Variants in YAE1 observed in about 807,000 individuals in gnomAD.
YAE1 encodes the protein protein YAE1 homolog.
Under a neutral mutation model 23.0 loss-of-function variants are expected in YAE1, and 22 were observed. The ratio of observed to expected loss-of-function variants is 0.96; its 90% CI spans 0.68 to 1.37. The LOEUF is 1.37. Ranked by LOEUF, YAE1 falls within the 40% of genes most tolerant of loss-of-function variation. The probability of loss-of-function intolerance (pLI) is 0.00; values close to 1 mark genes in which losing one functional copy is unlikely to be tolerated. For synonymous variants in YAE1, 101 were observed against 97.0 expected, an observed-to-expected ratio of 1.04 and a Z score of -0.24; for missense variants, 260 against 262.1, an observed-to-expected ratio of 0.99 and a Z score of 0.06.
chr7:39,610,045 A>T (rs959191681), exon 3 of YAE1: 207 of 1,470,532 alleles, frequency 1.4e-4, no homozygotes, highest in Non-Finnish European at 1.8e-4. Flanking sequence ...AGTCCTCAGC[A>T]CCCAGCACCC....
At chr7:39,609,596 T>C (rs112725884) in intron 2 of YAE1, 8 of 1,530,596 alleles carry the variant, frequency 5.2e-6, no homozygotes, top group African/African-American at 4.1e-5. Context: ...TCTCTGTCTA[T>C]CCAATTGTCT....
chr7:39,572,682 A>G lies in YAE1; in HGVS notation c.657A>G (p.Val219=), dbSNP rs1419714751. 1.3e-6 allele frequency: 2 copies of G among 1,591,198 alleles called. No individual in the cohort carries two copies. The highest frequency in any genetic ancestry group is 4.5e-5 in the East Asian group (2 of 44,776). ...AACAGCTGGGCCTATCAGTAGATGTATTACAACACCTCAAACAACTATAAA... is the reference window on the plus strand; with the variant it reads ...AACAGCTGGGCCTATCAGTAGATGTGTTACAACACCTCAAACAACTATAAA... ...LVKQLGLSVD[V]LQHLKQL is the part of the protein sequence containing the mutation. Residue 219 remains valine, a synonymous_variant, in exon 3 of 3, where the codon GTA becomes GTG. Coordinates refer to ENST00000223273, the MANE Select transcript of YAE1 (RefSeq NM_020192.5).
chr7:39,599,694 A>T (rs776402768), intron 2 of YAE1, among the ~76,000 whole-genome samples: 21 of 151,162 alleles, frequency 1.4e-4, no homozygotes, highest in Admixed American at 3.3e-4. Context: ...TTATTTATTT[A>T]TTTTTTATTG....
At chr7:39,606,739 A>G (rs1791135960) in intron 2 of YAE1, among the ~76,000 whole-genome samples, 1 of 152,232 alleles carries the variant, frequency 6.6e-6, no homozygotes, top group African/African-American at 2.4e-5. Context: ...AGATAGCATT[A>G]TGCAGTACTT....
At chr7:39,597,784 T>G (rs985774459) in intron 2 of YAE1, among the ~76,000 whole-genome samples, 5 of 151,852 alleles carry the variant, frequency 3.3e-5, no homozygotes, top group Non-Finnish European at 5.9e-5. Context: ...AGATTTACAT[T>G]TAAAAGTGAG....
intron 2 of YAE1, among the ~76,000 whole-genome samples, chr7:39,590,884 A>G (rs1160069292): frequency 6.6e-6 from 1 of 152,122 alleles, no homozygotes; most frequent in Non-Finnish European, 1.5e-5. Flanking sequence ...CCACTTCTCT[A>G]TCACATTTCC....
chr7:39,610,208 G>A, exon 3 of YAE1: 1 of 620,038 alleles, frequency 1.6e-6, no homozygotes, highest in Non-Finnish European at 2.8e-6. Flanking sequence ...AGCAATACGA[G>A]TCGTTTGTGA....
chr7:39,589,607 G>A (rs1453130714), intron 2 of YAE1, among the ~76,000 whole-genome samples: 1 of 152,100 alleles, frequency 6.6e-6, no homozygotes, highest in Non-Finnish European at 1.5e-5. Flanking sequence ...ATTTAAATTT[G>A]TATTTCTCAT....
At position 39,580,168 on chromosome 7, in the gene YAE1, A is replaced by C. The variant is rs551336945; in HGVS notation, c.251+9541A>C. Among the ~76,000 whole-genome samples the C allele has an allele frequency of 1.6e-3, 248 of 152,356 alleles. 1 individual carries two copies. Among genetic ancestry groups the C allele is most frequent in the African/African-American group, 5.8e-3 (243 of 41,582 alleles). On this transcript the variant is annotated intron_variant, in intron 2 of 2. Coordinates refer to the YAE1 transcript ENST00000432096. ...TACTCGAGGGGAGAATATTATGTAG[A>C]AAGTGGTTTAGCACATATACTAAAG...
At chr7:39,589,590 G>C (rs980423995) in intron 2 of YAE1, among the ~76,000 whole-genome samples, 2 of 152,158 alleles carry the variant, frequency 1.3e-5, no homozygotes, top group Non-Finnish European at 2.9e-5. Flanking sequence ...GAAGGTAGGA[G>C]TTCTGTATTT....
chr7:39,585,512 C>A (rs1042109957), intron 2 of YAE1, among the ~76,000 whole-genome samples: 1 of 152,200 alleles, frequency 6.6e-6, no homozygotes, highest in Non-Finnish European at 1.5e-5. Context: ...ACACCTTGAT[C>A]TTGGACTTCT....
intron 2 of YAE1, among the ~76,000 whole-genome samples, chr7:39,600,189 A>C (rs575129829): frequency 6.6e-6 from 1 of 152,312 alleles, no homozygotes; most frequent in South Asian, 2.1e-4. Context: ...AGAACCACTA[A>C]TATAAAACAT....
intron 2 of YAE1, among the ~76,000 whole-genome samples, chr7:39,608,664 T>C (rs1294659954): frequency 2.0e-5 from 3 of 152,216 alleles, no homozygotes; most frequent in African/African-American, 7.2e-5. Context: ...GTTTTAGACA[T>C]GATTACAGTC....
At chr7:39,597,845 C>G (rs1172077517) in intron 2 of YAE1, among the ~76,000 whole-genome samples, 1 of 152,162 alleles carries the variant, frequency 6.6e-6, no homozygotes, top group Non-Finnish European at 1.5e-5. Context: ...CACTCAATTT[C>G]CCAGCAGATA....
intron 2 of YAE1, among the ~76,000 whole-genome samples, chr7:39,583,572 C>T (rs908933220): frequency 6.6e-6 from 1 of 152,198 alleles, no homozygotes; most frequent in Non-Finnish European, 1.5e-5. Context: ...TTATTTGGTT[C>T]TCCACATTGA....
At chr7:39,569,021 A>G (rs1790522660) in intron 1 of YAE1, among the ~76,000 whole-genome samples, 1 of 152,230 alleles carries the variant, frequency 6.6e-6, no homozygotes, top group Admixed American at 6.5e-5. Context: ...ATATCAAATG[A>G]GAAATATTTT....
chr7:39,606,432 A>G (rs929153490), intron 2 of YAE1, among the ~76,000 whole-genome samples: 5 of 152,244 alleles, frequency 3.3e-5, no homozygotes, highest in Non-Finnish European at 5.9e-5. Flanking sequence ...GTACATTCAA[A>G]AGGAACAGAT....
At chr7:39,605,474 A>G (rs753317370) in intron 2 of YAE1, among the ~76,000 whole-genome samples, 3 of 152,214 alleles carry the variant, frequency 2.0e-5, no homozygotes, top group Non-Finnish European at 4.4e-5. Context: ...TCCCTCAAGT[A>G]AGAGGGAACT....
intron 2 of YAE1, among the ~76,000 whole-genome samples, chr7:39,580,607 C>T (rs751782286): frequency 1.3e-5 from 2 of 152,142 alleles, no homozygotes; most frequent in African/African-American, 4.8e-5. Flanking sequence ...AGGTGGTGCT[C>T]GTGCACCCTG....
Sources: allele counts gnomAD v4.1 joint callset (sites outside exome capture counted in the v4.1 genomes callset), GRCh38; gene constraint gnomAD v4.1.1; transcripts MANE v1.5; gene names NCBI Gene and HGNC (gene_info 2026-07-23, HGNC 2026-07-21).